Variants in FGF12 observed in about 807,000 individuals in gnomAD.
The protein encoded by FGF12 is fibroblast growth factor 12.
Under a neutral mutation model 23.6 loss-of-function variants are expected in FGF12, and 14 were observed. That is an observed-to-expected ratio of 0.59 (90% CI 0.39 to 0.93). The LOEUF (loss-of-function observed/expected upper bound fraction) is 0.93. Ranked by LOEUF, FGF12 falls within the 40% of genes least tolerant of loss-of-function variation. FGF12 has a pLI of 0.00. For missense variants in FGF12, 175 were observed against 217.8 expected, an observed-to-expected ratio of 0.80 and a Z score of 1.24; for synonymous variants, 62 against 77.3, an observed-to-expected ratio of 0.80 and a Z score of 1.04.
At chr3:192,196,687 T>C (rs1717086894) in intron 4 of FGF12, among the ~76,000 whole-genome samples, 1 of 152,170 alleles carries the variant, frequency 6.6e-6, no homozygotes, top group African/African-American at 2.4e-5. Flanking sequence ...AAAATAACAC[T>C]CTAAATGTGA....
intron 2 of FGF12, among the ~76,000 whole-genome samples, chr3:192,544,658 ATT>A (rs139223405): frequency 6.6e-6 from 1 of 151,526 alleles, no homozygotes; most frequent in East Asian, 1.9e-4. Context: ...AAATTTTACA[ATT>A]TTTTTTTATA....
chr3:192,516,833 T>C (rs913285932), intron 2 of FGF12: 3 of 152,378 alleles, frequency 2.0e-5, no homozygotes, highest in Admixed American at 2.0e-4. Flanking sequence ...GAAGAAGTTA[T>C]GCAGCCCCAG....
At chr3:192,633,338 G>A (rs1038220107) in intron 2 of FGF12, among the ~76,000 whole-genome samples, 13 of 152,020 alleles carry the variant, frequency 8.6e-5, no homozygotes, top group African/African-American at 2.7e-4. Flanking sequence ...GAGCCCTCGC[G>A]CCCGGCCTCT....
rs190994897 is a variant in FGF12 at position 192,189,329 on chromosome 3, C to A, written c.229-18673G>T. 3.9e-5 allele frequency among the ~76,000 whole-genome samples: 6 copies of A among 152,242 alleles called. No individual in the cohort carries two copies. In the East Asian group the frequency reaches 1.2e-3, roughly 29 times the overall value. The stretch of plus-strand genomic sequence containing the variant: ...TGTGACATAGGCATGCTTCTCAGTT[C>A]CAAAATAACAGAGAAATTTGACCTC... On this transcript the variant is annotated intron_variant, in intron 4 of 5. Coordinates refer to ENST00000445105, the MANE Select transcript of FGF12 (RefSeq NM_004113.6).
intron 2 of FGF12, 141 bp downstream of exon 2, chr3:192,727,040 G>T (rs531132706): frequency 2.7e-5 from 28 of 1,050,606 alleles, no homozygotes; most frequent in Admixed American, 8.2e-5. Context: ...CACTTCCCCA[G>T]TGCTGCAATG....
intron 2 of FGF12, among the ~76,000 whole-genome samples, chr3:192,426,375 G>A (rs1163167142): frequency 6.6e-6 from 1 of 152,168 alleles, no homozygotes; most frequent in African/African-American, 2.4e-5. Context: ...AGTATTGTCA[G>A]AGGGAAAAAT....
intron 2 of FGF12, among the ~76,000 whole-genome samples, chr3:192,621,809 C>T (rs900730004): frequency 2.0e-5 from 3 of 151,602 alleles, no homozygotes; most frequent in South Asian, 2.1e-4. Flanking sequence ...CTTGGCAAGA[C>T]GCTTGGTACT....
intron 2 of FGF12, among the ~76,000 whole-genome samples, chr3:192,546,052 G>A (rs1725486948): frequency 6.6e-6 from 1 of 152,172 alleles, no homozygotes; most frequent in African/African-American, 2.4e-5. Context: ...ATTGCCTTAG[G>A]AAAGACCTAG....
chr3:192,714,663 C>G (rs187190395), intron 2 of FGF12, among the ~76,000 whole-genome samples: 2 of 150,734 alleles, frequency 1.3e-5, no homozygotes, highest in African/African-American at 4.9e-5. Flanking sequence ...GGACTACAGG[C>G]GCCCGCCACT....
chr3:192,422,482 T>C (rs73193601), intron 2 of FGF12, among the ~76,000 whole-genome samples: 20,444 of 152,150 alleles, frequency 0.13, 1,742 homozygotes, highest in South Asian at 0.19. Flanking sequence ...TTATCCTTCT[T>C]TCCCCAGGCC....
At chr3:192,468,621 T>C (rs1723075424) in intron 2 of FGF12, among the ~76,000 whole-genome samples, 2 of 152,224 alleles carry the variant, frequency 1.3e-5, no homozygotes. Context: ...CTGATGTTAA[T>C]ATGTCTACTA....
intron 4 of FGF12, among the ~76,000 whole-genome samples, chr3:192,180,684 CCTAA>C (rs1312500516): frequency 2.6e-5 from 4 of 152,128 alleles, no homozygotes; most frequent in Non-Finnish European, 2.9e-5. Context: ...CATGAAATTT[CCTAA>C]CTTTTAAAAC....
chr3:192,509,538 AG>A (rs1474719644), intron 2 of FGF12, among the ~76,000 whole-genome samples: 1 of 152,206 alleles, frequency 6.6e-6, no homozygotes, highest in East Asian at 1.9e-4. Context: ...TTTTAGAGTA[AG>A]TAGAAAGGAA....
chr3:192,174,092 G>T (rs1715727756), intron 4 of FGF12, among the ~76,000 whole-genome samples: 1 of 152,314 alleles, frequency 6.6e-6, no homozygotes, highest in Non-Finnish European at 1.5e-5. Flanking sequence ...TTGATGCCAA[G>T]CTTGATTTGG....
intron 4 of FGF12, among the ~76,000 whole-genome samples, chr3:192,333,608 A>G (rs1321911144): frequency 1.3e-5 from 2 of 152,112 alleles, no homozygotes; most frequent in Admixed American, 6.6e-5. Context: ...AATACAAAAT[A>G]TAGTGTATAT....
intron 4 of FGF12, among the ~76,000 whole-genome samples, chr3:192,329,160 C>A (rs1017162507): frequency 1.3e-5 from 2 of 152,090 alleles, no homozygotes; most frequent in Non-Finnish European, 1.5e-5. Flanking sequence ...AAGATGAATA[C>A]GATGTAATTC....
chr3:192,197,712 A>C (rs991115895), intron 4 of FGF12, among the ~76,000 whole-genome samples: 4 of 152,120 alleles, frequency 2.6e-5, no homozygotes, highest in Non-Finnish European at 5.9e-5. Context: ...TGGGAGGCCG[A>C]GGCGGGAAGA....
In FGF12 at chr3:192,400,767, T is replaced by C. The variant is rs962970324; in HGVS notation, c.14-40229A>G. 7.2e-5 allele frequency among the ~76,000 whole-genome samples: 11 copies of C among 152,180 alleles called. No individual in the cohort carries two copies. The East Asian group carries it at 1.9e-3, about 27-fold the overall frequency. ...CAGCATTCCTCCATCTCCACAAACA[T>C]GCAATTCACTATGGAATAGTTCAGC... is the stretch of plus-strand genomic sequence containing the variant. On this transcript the variant is annotated intron_variant, in intron 2 of 5. Coordinates refer to ENST00000445105, the MANE Select transcript of FGF12 (RefSeq NM_004113.6).
intron 2 of FGF12, among the ~76,000 whole-genome samples, chr3:192,611,249 C>A (rs554783369): frequency 6.6e-6 from 1 of 152,010 alleles, no homozygotes; most frequent in Non-Finnish European, 1.5e-5. Context: ...ACTCTTTAAG[C>A]CTCTGGGAAG....
Sources: allele counts gnomAD v4.1 joint callset (sites outside exome capture counted in the v4.1 genomes callset), GRCh38; gene constraint gnomAD v4.1.1; transcripts MANE v1.5; gene names NCBI Gene and HGNC (gene_info 2026-07-23, HGNC 2026-07-21).